Variants in MAD1L1 observed in about 807,000 individuals in gnomAD.
MAD1L1 encodes mitotic arrest deficient 1 like 1.
MAD1L1 carries 95 observed loss-of-function variants against 96.9 expected under a neutral mutation model. The ratio of observed to expected loss-of-function variants is 0.98; its 90% CI spans 0.83 to 1.16. The LOEUF is 1.16. MAD1L1 is among the 50% of genes most tolerant of loss of function. The pLI, the probability that MAD1L1 is intolerant of heterozygous loss-of-function variation, is 0.00. For missense variants in MAD1L1, 1,007 were observed against 954.4 expected (o/e 1.06, Z -0.73); for synonymous variants, 473 against 396.6 (o/e 1.19, Z -2.29).
In MAD1L1 at chr7:2,225,524, A is replaced by G. The variant is rs1336070507; in HGVS notation, c.177T>C (p.Arg59=). The G allele has an allele frequency of 2.5e-6, 4 of 1,613,948 alleles. No homozygotes were observed. Among genetic ancestry groups the G allele is most frequent in the Non-Finnish European group, 3.4e-6 (4 of 1,180,038 alleles). ...CCACCTGGATGAGGTGGGACTTCGAACGGATCTGCTCTGCTCTTTCCTCCA... is the reference window on the plus strand; with the variant it reads ...CCACCTGGATGAGGTGGGACTTCGAGCGGATCTGCTCTGCTCTTTCCTCCA... ...MQLEERAEQI[R]SKSHLIQVER... is the part of the protein sequence containing the mutation. The change falls in exon 4 of 19, where the codon CGT becomes CGC. Residue 59 remains arginine, a synonymous_variant. Transcript: ENST00000265854.
At chr7:2,064,940 G>A (rs1392377144) in intron 12 of MAD1L1, among the ~76,000 whole-genome samples, 4 of 149,582 alleles carry the variant, frequency 2.7e-5, no homozygotes, top group Non-Finnish European at 5.9e-5. Flanking sequence ...AGGACAGCAG[G>A]TTGTCAAGGG....
At chr7:1,977,152 G>A (rs1045369401) in intron 15 of MAD1L1, among the ~76,000 whole-genome samples, 4 of 152,374 alleles carry the variant, frequency 2.6e-5, no homozygotes, top group South Asian at 4.1e-4. Context: ...ACCAGGCGCC[G>A]CAGAGCAGGG....
At chr7:2,098,800 C>T (rs933591672) in intron 11 of MAD1L1, among the ~76,000 whole-genome samples, 14 of 152,192 alleles carry the variant, frequency 9.2e-5, no homozygotes, top group Non-Finnish European at 1.6e-4. Flanking sequence ...CCAGGCATCA[C>T]GCACCAAGGC....
chr7:2,191,106 G>C (rs1055863404), intron 10 of MAD1L1, among the ~76,000 whole-genome samples: 2 of 152,208 alleles, frequency 1.3e-5, no homozygotes, highest in Non-Finnish European at 2.9e-5. Flanking sequence ...ACCGATACAA[G>C]CAACAAATGT....
intron 11 of MAD1L1, among the ~76,000 whole-genome samples, chr7:2,127,503 G>A (rs927737088): frequency 3.3e-5 from 5 of 152,142 alleles, no homozygotes; most frequent in African/African-American, 7.2e-5. Flanking sequence ...ACGGGGGAGC[G>A]GGCCCGACCA....
chr7:2,096,103 G>A (rs778058331), intron 11 of MAD1L1, among the ~76,000 whole-genome samples: 43 of 152,100 alleles, frequency 2.8e-4, no homozygotes, highest in Non-Finnish European at 5.4e-4. Flanking sequence ...GGCCAAGGTG[G>A]CCTCTGGGTA....
chr7:1,941,356 T>C (rs902451143), intron 16 of MAD1L1, among the ~76,000 whole-genome samples: 1 of 152,104 alleles, frequency 6.6e-6, no homozygotes, highest in African/African-American at 2.4e-5. Flanking sequence ...TCCCCCCTGA[T>C]GGGGGGCTTG....
At position 2,103,399 on chromosome 7, in the gene MAD1L1, T is replaced by C. The variant is rs921061537; in HGVS notation, c.1074-34061A>G. ...CATGGGACATCGCCATGCCTAGTGATGACGTTTCTGTTTGGAAGAAGTGGG... is the reference window on the plus strand; with the variant it reads ...CATGGGACATCGCCATGCCTAGTGACGACGTTTCTGTTTGGAAGAAGTGGG... On this transcript the variant is annotated intron_variant, in intron 11 of 18. Coordinates refer to ENST00000265854, the MANE Select transcript of MAD1L1 (RefSeq NM_001013836.2). The surrounding 1 kb of genome is among the most constrained non-coding windows in gnomAD (Gnocchi z 4.3). Among the ~76,000 whole-genome samples, 1 of 152,136 alleles carries C rather than the reference T, an allele frequency of 6.6e-6. No homozygotes were observed. Among genetic ancestry groups the C allele is most frequent in the African/African-American group, 2.4e-5 (1 of 41,424 alleles).
intron 18 of MAD1L1, among the ~76,000 whole-genome samples, chr7:1,830,477 G>A (rs1483962208): frequency 6.6e-6 from 1 of 152,252 alleles, no homozygotes; most frequent in African/African-American, 2.4e-5. Flanking sequence ...CCATGAATGA[G>A]GGGTGGGAGC....
At chr7:2,121,554 G>T (rs1787981573) in intron 11 of MAD1L1, among the ~76,000 whole-genome samples, 1 of 152,228 alleles carries the variant, frequency 6.6e-6, no homozygotes, top group Non-Finnish European at 1.5e-5. Flanking sequence ...ACAGACCTCA[G>T]AATAACAGGC....
chr7:2,123,734 A>G (rs2128562820), intron 11 of MAD1L1, among the ~76,000 whole-genome samples: 1 of 152,360 alleles, frequency 6.6e-6, no homozygotes, highest in East Asian at 1.9e-4. Flanking sequence ...CTGAATCGAT[A>G]GATCCTCCGG....
intron 18 of MAD1L1, among the ~76,000 whole-genome samples, chr7:1,827,469 G>A (rs1459690390): frequency 1.0e-5 from 1 of 97,478 alleles, no homozygotes; most frequent in African/African-American, 3.5e-5. Context: ...AGCCCGTCGC[G>A]GGTGTGGGGG....
intron 18 of MAD1L1, among the ~76,000 whole-genome samples, chr7:1,850,175 G>C (rs1486253462): frequency 6.6e-6 from 1 of 152,118 alleles, no homozygotes; most frequent in African/African-American, 2.4e-5. Context: ...CCTGGACCTG[G>C]TGTTCGGTCC....
At chr7:1,961,792 A>T (rs1779960464) in intron 15 of MAD1L1, among the ~76,000 whole-genome samples, 1 of 151,774 alleles carries the variant, frequency 6.6e-6, no homozygotes, top group African/African-American at 2.4e-5. Context: ...CCCCCATACC[A>T]TTCTCGTGTG....
chr7:2,062,003 G>A (rs1784680203), intron 12 of MAD1L1, among the ~76,000 whole-genome samples: 1 of 149,446 alleles, frequency 6.7e-6, no homozygotes, highest in Non-Finnish European at 1.5e-5. Context: ...CACTTTGGGA[G>A]GCCGAGGCAG....
At chr7:2,178,271 T>C (rs1791034699) in intron 10 of MAD1L1, among the ~76,000 whole-genome samples, 1 of 152,224 alleles carries the variant, frequency 6.6e-6, no homozygotes, top group Admixed American at 6.5e-5. Flanking sequence ...GTCTCCTTAA[T>C]TTTCACAGCA....
chr7:1,825,011 A>ATCC (rs397828834), intron 18 of MAD1L1, among the ~76,000 whole-genome samples: 1 of 151,966 alleles, frequency 6.6e-6, no homozygotes, highest in African/African-American at 2.4e-5. Flanking sequence ...TTAGAAAATC[A>ATCC]AAATGTTAAT....
intron 16 of MAD1L1, among the ~76,000 whole-genome samples, chr7:1,951,158 G>A (rs1359369260): frequency 6.6e-6 from 1 of 152,264 alleles, no homozygotes; most frequent in Non-Finnish European, 1.5e-5. Context: ...GACAGCCTCT[G>A]CTATCCCAGT....
intron 18 of MAD1L1, among the ~76,000 whole-genome samples, chr7:1,887,373 G>A (rs1369956235): frequency 2.0e-5 from 3 of 151,868 alleles, no homozygotes; most frequent in East Asian, 1.9e-4. Context: ...GTGGGTGGCT[G>A]TGCATGCGTG....
Sources: gnomAD v4.1 joint callset for allele counts (sites outside exome capture counted in the v4.1 genomes callset) on GRCh38, gnomAD v4.1.1 for gene constraint, Gnocchi (gnomAD v3.1) non-coding constraint, MANE v1.5 for transcripts, NCBI Gene and HGNC (gene_info 2026-07-23, HGNC 2026-07-21) for gene names.